The following COL22A1 variants were observed in gnomAD, a reference collection of about 807,000 sequenced individuals.
COL22A1 encodes the protein collagen type XXII alpha 1 chain, also known as collagen alpha-1(XXII) chain.
COL22A1 carries 221 observed loss-of-function variants against 248.9 expected under a neutral mutation model. The observed-to-expected ratio is 0.89, with a 90% CI of 0.80 to 0.99. The LOEUF (loss-of-function observed/expected upper bound fraction) is 0.99. Ranked by LOEUF, COL22A1 falls within the 50% of genes least tolerant of loss-of-function variation. COL22A1 has a pLI of 0.00. For synonymous variants in COL22A1, 891 were observed against 793.4 expected (o/e 1.12, Z -2.07); for missense variants, 2,240 against 2,179.0 (o/e 1.03, Z -0.56).
intron 7 of COL22A1, 144 bp from the exon 8 acceptor site, chr8:138,813,163 CCTGGG>C: frequency 1.5e-6 from 1 of 653,182 alleles, no homozygotes; most frequent in South Asian, 1.8e-5. Flanking sequence ...ATACCCCTAT[CCTGGG>C]CTCCACTCTG....
intron 3 of COL22A1, among the ~76,000 whole-genome samples, chr8:138,871,255 T>G (rs961869641): frequency 6.6e-6 from 1 of 152,148 alleles, no homozygotes; most frequent in Non-Finnish European, 1.5e-5. Context: ...CTCTTCCCGC[T>G]GAGGGAAGAT....
chr8:138,610,213 G>T (rs1818750538), intron 56 of COL22A1, among the ~76,000 whole-genome samples: 1 of 152,194 alleles, frequency 6.6e-6, no homozygotes, highest in South Asian at 2.1e-4. Flanking sequence ...ACAGGGTTTG[G>T]GGAGAAAATG....
intron 18 of COL22A1, among the ~76,000 whole-genome samples, chr8:138,760,000 T>C (rs1426331890): frequency 1.3e-5 from 2 of 151,876 alleles, no homozygotes; most frequent in African/African-American, 2.4e-5. Context: ...TTATATATTA[T>C]ATAACAGAAC....
At chr8:138,736,218 C>A (rs972989238) in intron 23 of COL22A1, among the ~76,000 whole-genome samples, 7 of 151,738 alleles carry the variant, frequency 4.6e-5, no homozygotes, top group Non-Finnish European at 1.0e-4. Context: ...GCTTGCTGAT[C>A]CTGCTTCAGC....
intron 45 of COL22A1, among the ~76,000 whole-genome samples, chr8:138,651,756 T>C (rs1822759273): frequency 6.6e-6 from 1 of 151,686 alleles, no homozygotes; most frequent in Admixed American, 6.5e-5. Context: ...TGGATGCAAA[T>C]GGAACTAGCC....
chr8:138,593,963 C>A, intron 63 of COL22A1, 54 bp downstream of exon 63: 1 of 1,390,416 alleles, frequency 7.2e-7, no homozygotes, highest in Non-Finnish European at 9.6e-7. Context: ...AGCCCTGTTC[C>A]TTCTCCGCCC....
intron 3 of COL22A1, among the ~76,000 whole-genome samples, chr8:138,851,181 G>T (rs1821615579): frequency 2.0e-5 from 3 of 152,194 alleles, no homozygotes; most frequent in African/African-American, 7.2e-5. Context: ...ACAGATGCTG[G>T]ATAAGCTGGT....
intron 60 of COL22A1, among the ~76,000 whole-genome samples, chr8:138,600,950 C>T (rs565935409): frequency 6.6e-6 from 1 of 152,216 alleles, no homozygotes. Context: ...AGGACTTATC[C>T]CATATTTCAA....
At chr8:138,799,354 G>A (rs976188151) in intron 11 of COL22A1, among the ~76,000 whole-genome samples, 13 of 151,836 alleles carry the variant, frequency 8.6e-5, no homozygotes, top group Admixed American at 2.6e-4. Flanking sequence ...TGCCTTTTTC[G>A]GTTTATGTCA....
At position 138,866,185 on chromosome 8, in the gene COL22A1, G is replaced by A. The variant is rs576594177; in HGVS notation, c.658+11565C>T. Among the ~76,000 whole-genome samples, 8 of 152,306 alleles carry A rather than the reference G, an allele frequency of 5.3e-5. No homozygotes were observed. In the South Asian group the frequency reaches 1.5e-3, roughly 28 times the overall value. The stretch of plus-strand genomic sequence containing the variant: ...TTTCCTTCAGTCTTCCAGTAACTGC[G>A]AGGTTGTGTCAGAAGCATCACGATT... On this transcript the variant is annotated intron_variant, in intron 3 of 64. Coordinates refer to ENST00000303045, the MANE Select transcript of COL22A1 (RefSeq NM_152888.3).
intron 7 of COL22A1, among the ~76,000 whole-genome samples, chr8:138,820,902 G>A (rs1819060435): frequency 6.6e-6 from 1 of 152,212 alleles, no homozygotes; most frequent in South Asian, 2.1e-4. Flanking sequence ...ATGTATATGT[G>A]ATGAATGATT....
intron 5 of COL22A1, among the ~76,000 whole-genome samples, chr8:138,832,582 G>A (rs73366864): frequency 1.1e-3 from 171 of 152,222 alleles, no homozygotes; most frequent in African/African-American, 3.9e-3. Context: ...CGAGGCACAA[G>A]GGCATTCAGT....
intron 1 of COL22A1, among the ~76,000 whole-genome samples, chr8:138,908,623 T>C (rs972130033): frequency 6.6e-6 from 1 of 152,190 alleles, no homozygotes; most frequent in African/African-American, 2.4e-5. Context: ...CCCCAATGTG[T>C]CCATCTGTAA....
chr8:138,644,522 A>G (rs2130485173), intron 47 of COL22A1, among the ~76,000 whole-genome samples: 1 of 152,054 alleles, frequency 6.6e-6, no homozygotes, highest in African/African-American at 2.4e-5. Context: ...GAAAATCCTT[A>G]AAAACTGAGT....
intron 12 of COL22A1, among the ~76,000 whole-genome samples, chr8:138,781,280 G>A (rs914522395): frequency 2.6e-5 from 4 of 152,184 alleles, no homozygotes; most frequent in African/African-American, 9.7e-5. Flanking sequence ...AGCTGGAGGT[G>A]CGGCCCTTCC....
At chr8:138,660,010 G>A (rs1823638111) in intron 44 of COL22A1, among the ~76,000 whole-genome samples, 2 of 152,182 alleles carry the variant, frequency 1.3e-5, no homozygotes, top group Non-Finnish European at 2.9e-5. Context: ...ACCCTTCTCT[G>A]TCCCGTTCCA....
chr8:138,667,345 TAG>T (rs1449740956), intron 41 of COL22A1, among the ~76,000 whole-genome samples: 2 of 152,020 alleles, frequency 1.3e-5, no homozygotes, highest in Admixed American at 6.6e-5. Context: ...ACGACAAACC[TAG>T]AGAGAGAGCA....
chr8:138,805,904 G>T (rs1437712579), intron 10 of COL22A1, among the ~76,000 whole-genome samples: 2 of 149,184 alleles, frequency 1.3e-5, no homozygotes, highest in African/African-American at 2.5e-5. Context: ...TATGGTGTAG[G>T]TGTGATGGTG....
chr8:138,759,016 CCT>C (rs1833242728), intron 18 of COL22A1, among the ~76,000 whole-genome samples: 1 of 152,146 alleles, frequency 6.6e-6, no homozygotes, highest in South Asian at 2.1e-4. Context: ...CTTAGCATCC[CCT>C]GTCAAGGAAC....
Sources: allele counts gnomAD v4.1 joint callset (sites outside exome capture counted in the v4.1 genomes callset), GRCh38; gene constraint gnomAD v4.1.1; transcripts MANE v1.5; gene names NCBI Gene and HGNC (gene_info 2026-07-23, HGNC 2026-07-21).